LMNA: variants seen among roughly 807,000 people sequenced by gnomAD.
LMNA encodes the protein lamin.
In LMNA, 20 loss-of-function variants were observed where a neutral mutation model predicts 70.4. That is an observed-to-expected ratio of 0.28 (90% CI 0.20 to 0.41). The LOEUF (loss-of-function observed/expected upper bound fraction) is 0.41. Among genes scored for constraint, LMNA ranks in the 10% least tolerant of loss-of-function variants. The probability of loss-of-function intolerance (pLI) is 1.00; values close to 1 mark genes in which losing one functional copy is unlikely to be tolerated. For missense variants in LMNA, 652 were observed against 917.2 expected (o/e 0.71, Z 3.73); for synonymous variants, 339 against 372.8 (o/e 0.91, Z 1.04).
chr1:156,136,053 G>A lies in LMNA; in HGVS notation c.1089G>A (p.Leu363=). 1.9e-6 allele frequency: 3 copies of A among 1,614,132 alleles called. No homozygotes were observed. The East Asian group carries it at 6.7e-5, about 36-fold the overall frequency. Reference sequence around the variant, plus strand: ...AGCTGGACGAGTACCAGGAGCTTCTGGACATCAAGCTGGCCCTGGACATGG... The same window carrying A: ...AGCTGGACGAGTACCAGGAGCTTCTAGACATCAAGCTGGCCCTGGACATGG... ...QQQLDEYQEL[L]DIKLALDMEI... is the part of the protein sequence containing the mutation. The change falls in exon 6 of 12, where the codon CTG becomes CTA. Residue 363 remains leucine, a synonymous_variant. Coordinates refer to ENST00000368300, the MANE Select transcript of LMNA (RefSeq NM_170707.4). The surrounding 1 kb of genome is among the most constrained non-coding windows in gnomAD (Gnocchi z 6.1).
In LMNA at chr1:156,115,011, G is replaced by A. The variant is rs878855235; in HGVS notation, c.93G>A (p.Glu31=). The change falls in exon 1 of 12, where the codon GAG becomes GAA. Residue 31 remains glutamate (E), a synonymous_variant. Coordinates refer to ENST00000368300, the MANE Select transcript of LMNA (RefSeq NM_170707.4). This position sits in a 1 kb window ranked among gnomAD's most constrained non-coding sequence, Gnocchi z 5.8. The part of the protein sequence containing the change: ...LSPTRITRLQ[E]KEDLQELNDR... ...CCACCCGCATCACCCGGCTGCAGGA[G>A]AAGGAGGACCTGCAGGAGCTCAATG... 5 of 1,601,006 alleles carry A rather than the reference G, an allele frequency of 3.1e-6. No individual in the cohort carries two copies. The Admixed American group carries it at 8.5e-5, about 27-fold the overall frequency.
upstream of LMNA, among the ~76,000 whole-genome samples, chr1:156,112,685 T>G (rs1421632411): frequency 6.6e-6 from 1 of 152,162 alleles, no homozygotes; most frequent in African/African-American, 2.4e-5. Flanking sequence ...GCATCCCTAG[T>G]GCTCACCATG....
intron 3 of LMNA, among the ~76,000 whole-genome samples, chr1:156,100,132 C>T (rs988297071): frequency 1.3e-5 from 2 of 152,160 alleles, no homozygotes; most frequent in Admixed American, 1.3e-4. Flanking sequence ...TCATTACCAC[C>T]AGTGTGGCTG....
At chr1:156,090,436 A>C (rs1377155827) in intron 2 of LMNA, 1 of 152,122 alleles carries the variant, frequency 6.6e-6, no homozygotes, top group Non-Finnish European at 1.5e-5. Context: ...TCCTGAGTGC[A>C]TGTTTGGTGC....
Position 156,139,072 on chromosome 1 carries a change from T to C in LMNA, c.1969-8T>C, listed in dbSNP as rs2102903473. On this transcript the variant is annotated splice_polypyrimidine_tract_variant and splice_region_variant and intron_variant, in intron 11 of 11. Transcript: ENST00000368300. ...GCTCACACCTCTCTCCTCTGTTTTC[T>C]CTCTTAGAGCCCCCAGAACTGCAGC... 2 of 1,613,820 alleles carry C rather than the reference T, an allele frequency of 1.2e-6. No individual in the cohort carries two copies. The highest frequency in any genetic ancestry group is 1.7e-6 in the Non-Finnish European group (2 of 1,179,872).
Position 156,103,778 on chromosome 1 carries a change from C to T in LMNA, c.-206-10935C>T, listed in dbSNP as rs1402398964. 6.6e-6 allele frequency among the ~76,000 whole-genome samples: 1 copy of T among 152,140 alleles called. No individual in the cohort carries two copies. The highest frequency in any genetic ancestry group is 2.4e-5 in the African/African-American group (1 of 41,426). ...CCACATCTGGCTCCATTTGAACATA[C>T]CCCACCCTCCCTGCTCTTTATCCCT... On this transcript the variant is annotated intron_variant, in intron 3 of 12. Coordinates refer to the LMNA transcript ENST00000368301. This position sits in a 1 kb window ranked among gnomAD's most constrained non-coding sequence, Gnocchi z 4.7.
chr1:156,105,220 G>A (rs1649287216), intron 3 of LMNA, among the ~76,000 whole-genome samples: 1 of 152,198 alleles, frequency 6.6e-6, no homozygotes, highest in Non-Finnish European at 1.5e-5. Flanking sequence ...GCTGGCTTAG[G>A]GATAGCAGAC....
In LMNA at chr1:156,100,738, ATACTC is replaced by A. The variant is rs539760266; in HGVS notation, c.-207+10162_-207+10166del. On this transcript the variant is annotated intron_variant, in intron 3 of 12. Coordinates refer to the LMNA transcript ENST00000368301. ...GGTTGGTGAGGGGGCTATGATGAGG[ATACTC>A]TACTCAAACATGTATTGAGAACCTT... Among the ~76,000 whole-genome samples, 22 of 152,074 alleles carry A rather than the reference ATACTC, an allele frequency of 1.4e-4. 1 individual carries two copies. The South Asian group carries it at 4.6e-3, about 32-fold the overall frequency.
At chr1:156,105,644 A>C (rs1364075342) in intron 3 of LMNA, among the ~76,000 whole-genome samples, 1 of 152,200 alleles carries the variant, frequency 6.6e-6, no homozygotes, top group Non-Finnish European at 1.5e-5. Context: ...GTGAAGTTTC[A>C]GGGCCTCTCA....
upstream of LMNA, among the ~76,000 whole-genome samples, chr1:156,113,099 A>G (rs1308063972): frequency 6.6e-6 from 1 of 152,054 alleles, no homozygotes; most frequent in East Asian, 1.9e-4. Context: ...GTTTGAGACC[A>G]GTTTGGCCAA....
chr1:156,099,926 C>A (rs1453824836), intron 3 of LMNA, among the ~76,000 whole-genome samples: 2 of 149,340 alleles, frequency 1.3e-5, no homozygotes, highest in African/African-American at 4.9e-5. Context: ...AATTACTAAT[C>A]AAAATATCCA....
At chr1:156,091,117 C>A (rs1462870652) in intron 3 of LMNA, 2 of 152,226 alleles carry the variant, frequency 1.3e-5, no homozygotes, top group African/African-American at 2.4e-5. Flanking sequence ...ACCTGGGAAT[C>A]CCCGTGGGTC....
chr1:156,104,109 C>T (rs930736491), intron 3 of LMNA, among the ~76,000 whole-genome samples: 2 of 152,230 alleles, frequency 1.3e-5, no homozygotes, highest in Non-Finnish European at 2.9e-5. Flanking sequence ...CCTGGCAGCC[C>T]AGGGATTTTC....
At chr1:156,096,150 T>C (rs1222139936) in intron 3 of LMNA, among the ~76,000 whole-genome samples, 2 of 152,202 alleles carry the variant, frequency 1.3e-5, no homozygotes, top group East Asian at 3.8e-4. Context: ...ACCTTCTGGG[T>C]GTTCCTTTTT....
chr1:156,113,229 G>A (rs1414457243), upstream of LMNA, among the ~76,000 whole-genome samples: 3 of 152,128 alleles, frequency 2.0e-5, no homozygotes, highest in South Asian at 2.1e-4. Flanking sequence ...TCTTGAACCC[G>A]GGAGGTGGAG....
At chr1:156,088,290 T>C (rs925758749) in intron 2 of LMNA, among the ~76,000 whole-genome samples, 5 of 152,234 alleles carry the variant, frequency 3.3e-5, no homozygotes, top group African/African-American at 4.8e-5. Flanking sequence ...CTCAACACAT[T>C]AATTAATTTA....
chr1:156,112,879 T>C (rs993898679), upstream of LMNA, among the ~76,000 whole-genome samples: 1 of 152,186 alleles, frequency 6.6e-6, no homozygotes, highest in Non-Finnish European at 1.5e-5. Flanking sequence ...ATCTTGGAGC[T>C]GTACAAGGTA....
At chr1:156,133,374 T>C (rs370935085) in intron 2 of LMNA, among the ~76,000 whole-genome samples, 54 of 151,494 alleles carry the variant, frequency 3.6e-4, no homozygotes, top group Admixed American at 1.4e-3. Flanking sequence ...AGATCGAGAC[T>C]ATCCTGGCCA....
intron 2 of LMNA, among the ~76,000 whole-genome samples, chr1:156,084,209 A>G (rs573635108): frequency 6.6e-6 from 1 of 152,200 alleles, no homozygotes; most frequent in South Asian, 2.1e-4. Flanking sequence ...TCACAGACTT[A>G]GCAATGTGGG....
Sources: allele counts gnomAD v4.1 joint callset (sites outside exome capture counted in the v4.1 genomes callset), GRCh38; gene constraint gnomAD v4.1.1; non-coding constraint Gnocchi (gnomAD v3.1); transcripts MANE v1.5; gene names NCBI Gene and HGNC (gene_info 2026-07-23, HGNC 2026-07-21).